PTPRD: variants seen among roughly 807,000 people sequenced by gnomAD.
PTPRD encodes receptor-type tyrosine-protein phosphatase delta.
A neutral mutation model predicts 214.5 loss-of-function variants in PTPRD; 34 were observed. The ratio of observed to expected loss-of-function variants is 0.16; its 90% CI spans 0.12 to 0.21. PTPRD has a LOEUF of 0.21. Ranked by LOEUF, PTPRD falls within the 10% of genes least tolerant of loss-of-function variation. The probability of loss-of-function intolerance (pLI) is 1.00; values close to 1 mark genes in which losing one functional copy is unlikely to be tolerated. For synonymous variants in PTPRD, 1,128 were observed against 845.7 expected, an observed-to-expected ratio of 1.33 and a Z score of -5.79; for missense variants, 2,545 against 2,398.7, an observed-to-expected ratio of 1.06 and a Z score of -1.27.
intron 8 of PTPRD, among the ~76,000 whole-genome samples, chr9:9,400,787 A>G (rs2141335403): frequency 6.6e-6 from 1 of 152,246 alleles, no homozygotes; most frequent in Non-Finnish European, 1.5e-5. Flanking sequence ...CAATTGATTT[A>G]TGGATAGCAT....
At position 10,382,475 on chromosome 9, in the gene PTPRD, G is replaced by A. The variant is rs568492818; in HGVS notation, c.-599-41458C>T. Reference sequence around the variant, plus strand: ...ATTTCCACAACAGAAACATTACCTCGTCTATGAAGAATTATTGAAATACAA... The same window carrying A: ...ATTTCCACAACAGAAACATTACCTCATCTATGAAGAATTATTGAAATACAA... On this transcript the variant is annotated intron_variant, in intron 2 of 45. Coordinates refer to ENST00000381196, the MANE Select transcript of PTPRD (RefSeq NM_002839.4). Among the ~76,000 whole-genome samples the A allele has an allele frequency of 2.9e-4, 44 of 151,906 alleles. No individual in the cohort carries two copies. In the South Asian group the frequency reaches 6.6e-3, roughly 23 times the overall value.
intron 10 of PTPRD, among the ~76,000 whole-genome samples, chr9:9,059,660 A>G (rs1438935348): frequency 6.6e-6 from 1 of 152,076 alleles, no homozygotes; most frequent in Admixed American, 6.6e-5. Flanking sequence ...AGATAGAAAC[A>G]TATTATTAAA....
At chr9:8,685,267 A>C (rs2097655093) in intron 12 of PTPRD, among the ~76,000 whole-genome samples, 1 of 152,200 alleles carries the variant, frequency 6.6e-6, no homozygotes, top group Admixed American at 6.5e-5. Flanking sequence ...AGAAAAAAAA[A>C]AAAGGTACAT....
intron 10 of PTPRD, among the ~76,000 whole-genome samples, chr9:9,127,562 T>C (rs569014354): frequency 1.3e-5 from 2 of 152,316 alleles, no homozygotes; most frequent in East Asian, 3.9e-4. Context: ...TGATAATGGA[T>C]GTCTATTCCA....
chr9:9,366,062 A>T (rs185512549), intron 9 of PTPRD, among the ~76,000 whole-genome samples: 1 of 151,600 alleles, frequency 6.6e-6, no homozygotes, highest in African/African-American at 2.4e-5. Context: ...GGCTACAAAA[A>T]TTCCTAGGAA....
At chr9:8,750,690 G>A (rs899953544) in intron 11 of PTPRD, among the ~76,000 whole-genome samples, 2 of 152,188 alleles carry the variant, frequency 1.3e-5, no homozygotes, top group African/African-American at 2.4e-5. Context: ...AGGCTGGGAT[G>A]CAGGAATGAG....
rs115360792 is a variant in PTPRD at position 8,901,790 on chromosome 9, C to T, written c.-104+116907G>A. 1.5e-3 allele frequency among the ~76,000 whole-genome samples: 224 copies of T among 152,218 alleles called. 1 individual carries two copies. The highest frequency in any genetic ancestry group is 5.1e-3 in the African/African-American group (212 of 41,542). ...TTCTCTTTCTAGATCTCATTGCTGT[C>T]CTTGGTCTGACTTTATAATTTCCTT... On this transcript the variant is annotated intron_variant, in intron 11 of 45. Transcript: ENST00000381196.
At chr9:8,524,804 G>T (rs1212653909) in intron 18 of PTPRD, 121 bp downstream of exon 18, 2 of 836,440 alleles carry the variant, frequency 2.4e-6, no homozygotes, top group African/African-American at 3.3e-5. Flanking sequence ...ACATGTTTCA[G>T]CTACGGTCAC....
chr9:9,063,892 T>G (rs949750315), intron 10 of PTPRD, among the ~76,000 whole-genome samples: 4 of 152,188 alleles, frequency 2.6e-5, no homozygotes, highest in Non-Finnish European at 4.4e-5. Context: ...ATAATGGTTT[T>G]GCAATAATTC....
chr9:10,334,215 A>G (rs2096801803), intron 3 of PTPRD, among the ~76,000 whole-genome samples: 1 of 151,804 alleles, frequency 6.6e-6, no homozygotes, highest in Admixed American at 6.6e-5. Flanking sequence ...AGGTTATAAG[A>G]TAATAGGCAA....
intron 11 of PTPRD, among the ~76,000 whole-genome samples, chr9:8,785,495 T>A (rs1327733227): frequency 3.3e-5 from 5 of 152,320 alleles, no homozygotes; most frequent in Admixed American, 2.6e-4. Context: ...TATTCACACT[T>A]GCAGTAAAAG....
intron 3 of PTPRD, among the ~76,000 whole-genome samples, chr9:10,143,749 T>C (rs561924844): frequency 6.6e-6 from 1 of 152,222 alleles, no homozygotes; most frequent in South Asian, 2.1e-4. Flanking sequence ...TTATGTCCTT[T>C]GCAGCAACAT....
chr9:9,725,987 T>C (rs913662163), intron 7 of PTPRD, among the ~76,000 whole-genome samples: 5 of 152,160 alleles, frequency 3.3e-5, no homozygotes, highest in African/African-American at 1.2e-4. Flanking sequence ...AAGCCAGCGT[T>C]AGGGGTAATA....
In PTPRD at chr9:8,344,741, C is replaced by A. The variant is rs76452644; in HGVS notation, c.4662-2763G>T. On this transcript the variant is annotated intron_variant, in intron 39 of 45. Transcript: ENST00000381196. ...AAGCAAGACCTTGAGGCTTAAGGTA[C>A]CTCTTCAGACATCAATGGCTGTGTG... Among the ~76,000 whole-genome samples, 848 of 152,038 alleles carry A rather than the reference C, an allele frequency of 5.6e-3. 10 individuals are homozygous for A. The highest frequency in any genetic ancestry group is 0.019 in the African/African-American group (797 of 41,516).
At chr9:10,155,345 T>C (rs2099086517) in intron 3 of PTPRD, among the ~76,000 whole-genome samples, 1 of 152,116 alleles carries the variant, frequency 6.6e-6, no homozygotes, top group Admixed American at 6.6e-5. Flanking sequence ...AAGGAGCTTT[T>C]GGAACAAGAC....
chr9:10,320,760 A>G (rs1038669383), intron 3 of PTPRD, among the ~76,000 whole-genome samples: 3 of 151,866 alleles, frequency 2.0e-5, no homozygotes, highest in African/African-American at 7.3e-5. Context: ...ACAGGGTCTC[A>G]CTCTGTCACC....
chr9:9,513,651 C>T (rs1405030628), intron 8 of PTPRD, among the ~76,000 whole-genome samples: 1 of 151,202 alleles, frequency 6.6e-6, no homozygotes, highest in African/African-American at 2.4e-5. Context: ...CCTGAATATT[C>T]TTCTCCTTCC....
At chr9:9,292,858 T>A (rs1277450431) in intron 9 of PTPRD, among the ~76,000 whole-genome samples, 2 of 151,520 alleles carry the variant, frequency 1.3e-5, no homozygotes, top group African/African-American at 4.8e-5. Context: ...TGTTTGTTTG[T>A]TTGTTTTCAT....
At position 8,948,468 on chromosome 9, in the gene PTPRD, CATATATATATATTT is replaced by C. The variant is rs1444224037; in HGVS notation, c.-104+70215_-104+70228del. 3.4e-3 allele frequency among the ~76,000 whole-genome samples: 27 copies of C among 8,052 alleles called. 3 individuals are homozygous for C. The highest frequency in any genetic ancestry group is 8.9e-3 in the African/African-American group (25 of 2,796). The allele number at this position is 8,052 out of a possible 152,430, so 5.3% of individuals were successfully genotyped here. Reference sequence around the variant, plus strand: ...ATATATATATTTATATATATATTTACATATATATATATTTATATATATATTTATATATATATTTA... The same window carrying C: ...ATATATATATTTATATATATATTTACATATATATATTTATATATATATTTA... On this transcript the variant is annotated intron_variant, in intron 11 of 45. Transcript: ENST00000381196.
Sources: allele counts gnomAD v4.1 joint callset (sites outside exome capture counted in the v4.1 genomes callset), GRCh38; gene constraint gnomAD v4.1.1; transcripts MANE v1.5; gene names NCBI Gene and HGNC (gene_info 2026-07-23, HGNC 2026-07-21).